The following DNAH5 variants were observed in gnomAD, a reference collection of about 807,000 sequenced individuals.
DNAH5 encodes axonemal beta dynein heavy chain 5.
Under a neutral mutation model 518.2 loss-of-function variants are expected in DNAH5, and 372 were observed. The observed-to-expected ratio is 0.72, with a 90% CI of 0.66 to 0.78. The LOEUF (loss-of-function observed/expected upper bound fraction) is 0.78. DNAH5 is among the 30% of genes least tolerant of loss of function. The pLI is 0.00. For synonymous variants in DNAH5, 2,039 were observed against 2,025.9 expected (o/e 1.01, Z -0.17); for missense variants, 5,523 against 5,687.0 (o/e 0.97, Z 0.93).
chr5:13,953,853 G>A (rs764212709), intron 1 of DNAH5, among the ~76,000 whole-genome samples: 2 of 152,066 alleles, frequency 1.3e-5, no homozygotes, highest in African/African-American at 2.4e-5. Context: ...GATTACAGGC[G>A]CCTGCCACCA....
At position 13,707,537 on chromosome 5, in the gene DNAH5, C is replaced by G. The variant is rs1216732046; in HGVS notation, c.13338+586G>C. On this transcript the variant is annotated intron_variant, in intron 76 of 78. Transcript: ENST00000265104. The surrounding 1 kb of genome is among the most constrained non-coding windows in gnomAD (Gnocchi z 4.0). ...AGACACTGCCATGGGGTTGGAGCCCCAGAACAGTCCCTACAACCTGCCCCT... is the reference window on the plus strand; with the variant it reads ...AGACACTGCCATGGGGTTGGAGCCCGAGAACAGTCCCTACAACCTGCCCCT... 6.6e-6 allele frequency among the ~76,000 whole-genome samples: 1 copy of G among 152,200 alleles called. No homozygotes were observed. The highest frequency in any genetic ancestry group is 6.5e-5 in the Admixed American group (1 of 15,284).
chr5:13,886,208 T>C, intron 17 of DNAH5, 79 bp from the exon 18 acceptor site: 4 of 1,414,870 alleles, frequency 2.8e-6, no homozygotes, highest in Non-Finnish European at 2.9e-6. Context: ...GAAACAGTGG[T>C]AGCAATGCTG....
chr5:13,888,440 G>A lies in DNAH5; in HGVS notation c.2578-2311C>T, dbSNP rs933883104. ...TCACTCCCTCCCTTCAAATCTAACCGTAGAAGTCATCAGTGACCATGAACA... is the reference window on the plus strand; with the variant it reads ...TCACTCCCTCCCTTCAAATCTAACCATAGAAGTCATCAGTGACCATGAACA... On this transcript the variant is annotated intron_variant, in intron 17 of 78. Transcript: ENST00000265104. 8.5e-5 allele frequency among the ~76,000 whole-genome samples: 13 copies of A among 152,080 alleles called. No individual in the cohort carries two copies. The East Asian group carries it at 9.6e-4, about 11-fold the overall frequency.
intron 50 of DNAH5, among the ~76,000 whole-genome samples, chr5:13,790,155 G>A (rs183969121): frequency 6.6e-6 from 1 of 152,188 alleles, no homozygotes; most frequent in East Asian, 1.9e-4. Context: ...TCCTCAAAGA[G>A]CTAAAAGCAG....
chr5:13,731,871 C>T (rs1746606242), intron 68 of DNAH5, among the ~76,000 whole-genome samples: 2 of 152,164 alleles, frequency 1.3e-5, no homozygotes, highest in African/African-American at 2.4e-5. Context: ...CAGTGTCCCA[C>T]ATCTGTCATC....
At chr5:13,801,100 T>C (rs772958892) in intron 47 of DNAH5, among the ~76,000 whole-genome samples, 6 of 152,216 alleles carry the variant, frequency 3.9e-5, no homozygotes, top group Non-Finnish European at 8.8e-5. Flanking sequence ...GGTTTGGCTC[T>C]GTGTCCCCAC....
intron 47 of DNAH5, among the ~76,000 whole-genome samples, chr5:13,801,235 T>C (rs1758701541): frequency 6.6e-6 from 1 of 152,124 alleles, no homozygotes; most frequent in African/African-American, 2.4e-5. Context: ...ATGAGTGAGT[T>C]CTCACGAGAT....
At position 13,848,669 on chromosome 5, in the gene DNAH5, C is replaced by A. The variant is rs986358442; in HGVS notation, c.5114+1983G>T. Among the ~76,000 whole-genome samples the A allele has an allele frequency of 4.6e-5, 7 of 152,222 alleles. No individual in the cohort carries two copies. The East Asian group carries it at 1.2e-3, about 25-fold the overall frequency. ...AGGCATTAGATTCTCACAAGGAGTACGCAACCTAGATCCCTCGCATGTGCA... is the reference window on the plus strand; with the variant it reads ...AGGCATTAGATTCTCACAAGGAGTAAGCAACCTAGATCCCTCGCATGTGCA... On this transcript the variant is annotated intron_variant, in intron 31 of 78. Coordinates refer to ENST00000265104, the MANE Select transcript of DNAH5 (RefSeq NM_001369.3).
intron 1 of DNAH5, among the ~76,000 whole-genome samples, chr5:13,985,428 AAAATAT>A (rs1245132547): frequency 1.1e-4 from 6 of 55,364 alleles, no homozygotes; most frequent in Non-Finnish European, 2.1e-4. Context: ...AAAGTATAAT[AAAATAT>A]ATATATATAT....
chr5:13,833,833 G>A (rs1010219778), intron 35 of DNAH5, among the ~76,000 whole-genome samples: 4 of 152,162 alleles, frequency 2.6e-5, no homozygotes, highest in Non-Finnish European at 1.5e-5. Flanking sequence ...ACGAGTTTTG[G>A]AGAAAAGTGC....
At chr5:13,759,128 C>A (rs980978196) in intron 60 of DNAH5, 145 bp from the exon 61 acceptor site, 2 of 1,073,512 alleles carry the variant, frequency 1.9e-6, no homozygotes, top group African/African-American at 3.1e-5. Flanking sequence ...ACATTAAGTC[C>A]TGAACAAATC....
chr5:13,971,974 T>C (rs139506812), intron 1 of DNAH5, among the ~76,000 whole-genome samples: 3,462 of 152,102 alleles, frequency 0.023, 51 homozygotes, highest in South Asian at 0.058. Flanking sequence ...GAGCTCAGAC[T>C]CTCCTTGGGC....
upstream of DNAH5, among the ~76,000 whole-genome samples, chr5:13,949,685 A>C (rs1287696029): frequency 2.6e-5 from 4 of 152,224 alleles, no homozygotes; most frequent in African/African-American, 7.2e-5. Flanking sequence ...GGCTAAACGC[A>C]CTTTCCAGAT....
rs771444912 is a variant in DNAH5 at position 13,859,605 on chromosome 5, C to T, written c.4797G>A (p.Arg1599=). ...LMLLGSLLSN[R]YNMPFKAQIQ... ...TCTGGGCTTTGAATGGCATATTGTACCTAAAATAAGAAATAGGTTTAGGGT... is the reference window on the plus strand; with the variant it reads ...TCTGGGCTTTGAATGGCATATTGTATCTAAAATAAGAAATAGGTTTAGGGT... Residue 1599 remains arginine (R), a splice_region_variant and synonymous_variant, in exon 30 of 79, where the codon AGG becomes AGA. Transcript: ENST00000265104. 2.2e-5 allele frequency: 35 copies of T among 1,613,746 alleles called. No individual in the cohort carries two copies. The highest frequency in any genetic ancestry group is 2.9e-5 in the Non-Finnish European group (34 of 1,179,758).
intron 35 of DNAH5, 92 bp downstream of exon 35, chr5:13,839,263 GA>G (rs1580510858): frequency 1.8e-6 from 2 of 1,116,576 alleles, no homozygotes; most frequent in East Asian, 4.7e-5. Context: ...TTAGTATAAA[GA>G]GCCTATAAAC....
chr5:13,856,272 G>T (rs1580608828), intron 30 of DNAH5, among the ~76,000 whole-genome samples: 1 of 152,108 alleles, frequency 6.6e-6, no homozygotes, highest in Non-Finnish European at 1.5e-5. Context: ...AAGAAGAAAA[G>T]AGAGAAGAAT....
intron 78 of DNAH5, among the ~76,000 whole-genome samples, chr5:13,697,555 A>G (rs898202795): frequency 3.9e-5 from 6 of 152,210 alleles, no homozygotes; most frequent in Admixed American, 2.0e-4. Flanking sequence ...AAACTTTTGT[A>G]AAGACTAAAT....
chr5:13,716,241 C>G (rs761275370), intron 74 of DNAH5, among the ~76,000 whole-genome samples: 2 of 152,074 alleles, frequency 1.3e-5, no homozygotes, highest in Non-Finnish European at 2.9e-5. Context: ...GAAAATTCCT[C>G]CCTGGGGCAT....
Position 13,780,803 on chromosome 5 carries a change from G to A in DNAH5, c.8951+26C>T, listed in dbSNP as rs372944424. ...GCACCTTTTATCAAAATCCATGTTA[G>A]GTTTGTTAAAGTAAAAGGTTGTCAC... On this transcript the variant is annotated intron_variant, in intron 53 of 78. Coordinates refer to ENST00000265104, the MANE Select transcript of DNAH5 (RefSeq NM_001369.3). 3.1e-6 allele frequency: 5 copies of A among 1,612,422 alleles called. No homozygotes were observed. The African/African-American group carries it at 6.7e-5, about 22-fold the overall frequency.
Sources: allele counts gnomAD v4.1 joint callset (sites outside exome capture counted in the v4.1 genomes callset), GRCh38; gene constraint gnomAD v4.1.1; non-coding constraint Gnocchi (gnomAD v3.1); transcripts MANE v1.5; gene names NCBI Gene and HGNC (gene_info 2026-07-23, HGNC 2026-07-21).